Variants in RORA observed in about 807,000 individuals in gnomAD.
RORA encodes nuclear receptor ROR-alpha.
RORA carries 7 observed loss-of-function variants against 69.5 expected under a neutral mutation model. The ratio of observed to expected loss-of-function variants is 0.10; its 90% CI spans 0.06 to 0.19. The LOEUF is 0.19. RORA is among the 10% of genes least tolerant of loss of function. The pLI is 1.00. For missense variants in RORA, 457 were observed against 663.0 expected, an observed-to-expected ratio of 0.69 and a Z score of 3.41; for synonymous variants, 261 against 240.8, an observed-to-expected ratio of 1.08 and a Z score of -0.78.
chr15:60,625,324 T>G (rs2069545680), intron 2 of RORA, among the ~76,000 whole-genome samples: 3 of 152,192 alleles, frequency 2.0e-5, no homozygotes, highest in African/African-American at 4.8e-5. Context: ...TTTGGTGAGG[T>G]TGTAGGGCAA....
chr15:61,171,127 T>C lies in RORA; in HGVS notation c.166+57926A>G, dbSNP rs376980522. Among the ~76,000 whole-genome samples the C allele has an allele frequency of 5.9e-5, 9 of 152,182 alleles. No homozygotes were observed. The East Asian group carries it at 1.3e-3, about 23-fold the overall frequency. The stretch of plus-strand genomic sequence containing the variant: ...CAGGACTTGGCGACATGCTGGCTCA[T>C]ACTCACTCTGATCATCAAAACTACA... On this transcript the variant is annotated intron_variant, in intron 1 of 10. Transcript: ENST00000335670.
At chr15:60,502,143 G>T (rs1010140211) in intron 8 of RORA, among the ~76,000 whole-genome samples, 17 of 152,082 alleles carry the variant, frequency 1.1e-4, no homozygotes, top group African/African-American at 4.1e-4. Context: ...ACCATGCCCA[G>T]CTAATTTTTG....
At chr15:60,562,089 G>A (rs891500974) in intron 2 of RORA, among the ~76,000 whole-genome samples, 5 of 150,864 alleles carry the variant, frequency 3.3e-5, no homozygotes, top group East Asian at 2.0e-4. Context: ...GATTACAGGC[G>A]CCTGCCACCA....
chr15:60,948,173 G>A (rs1357589616), intron 1 of RORA, among the ~76,000 whole-genome samples: 2 of 151,840 alleles, frequency 1.3e-5, no homozygotes, highest in Non-Finnish European at 2.9e-5. Context: ...AGCATTTAAA[G>A]TTCTTTCCAG....
At chr15:61,187,925 T>A (rs1243654392) in intron 1 of RORA, among the ~76,000 whole-genome samples, 1 of 151,994 alleles carries the variant, frequency 6.6e-6, no homozygotes, top group East Asian at 1.9e-4. Context: ...TTTAAAGAAG[T>A]TCCCCAACAT....
chr15:60,880,833 T>G (rs2073671189), intron 1 of RORA, among the ~76,000 whole-genome samples: 1 of 152,228 alleles, frequency 6.6e-6, no homozygotes, highest in Non-Finnish European at 1.5e-5. Context: ...GTGTCTGACC[T>G]GAGAAAGCCA....
chr15:60,759,472 G>C lies in RORA; in HGVS notation c.167-80786C>G, dbSNP rs140146644. Among the ~76,000 whole-genome samples, 482 of 152,302 alleles carry C rather than the reference G, an allele frequency of 3.2e-3. 3 individuals carry two copies. Among genetic ancestry groups the C allele is most frequent in the African/African-American group, 0.011 (453 of 41,574 alleles). On this transcript the variant is annotated intron_variant, in intron 1 of 10. Coordinates refer to ENST00000335670, the MANE Select transcript of RORA (RefSeq NM_134261.3). ...ACATCATCAAACGGGGGGCAACTTT[G>C]AGTCAGTAGCAACCACAATTCCCAC...
In RORA at chr15:60,954,077, T is replaced by A. The variant is rs1326977678; in HGVS notation, c.166+274976A>T. 2.7e-3 allele frequency among the ~76,000 whole-genome samples: 406 copies of A among 149,264 alleles called. 1 individual carries two copies. Among genetic ancestry groups the A allele is most frequent in the African/African-American group, 9.7e-3 (391 of 40,290 alleles). On this transcript the variant is annotated intron_variant, in intron 1 of 10. Coordinates refer to ENST00000335670, the MANE Select transcript of RORA (RefSeq NM_134261.3). ...ACAATGATAGACTGGATTAAGAAAATGTGGCACATATACACCATGGAATAC... is the reference window on the plus strand; with the variant it reads ...ACAATGATAGACTGGATTAAGAAAAAGTGGCACATATACACCATGGAATAC...
intron 1 of RORA, among the ~76,000 whole-genome samples, chr15:61,099,900 C>T (rs2078852060): frequency 1.3e-5 from 2 of 152,162 alleles, no homozygotes; most frequent in African/African-American, 4.8e-5. Flanking sequence ...TAAAGGTCAT[C>T]TTTCTAGTTA....
chr15:60,753,490 G>T (rs1044789947), intron 1 of RORA, among the ~76,000 whole-genome samples: 1 of 152,248 alleles, frequency 6.6e-6, no homozygotes, highest in African/African-American at 2.4e-5. Context: ...CTGAGGGCCT[G>T]CATGGGCAGG....
Position 61,213,480 on chromosome 15 carries a change from T to C in RORA, c.166+15573A>G, listed in dbSNP as rs1550226. Among the ~76,000 whole-genome samples the C allele has an allele frequency of 0.86, 130,257 of 152,140 alleles. 55,887 individuals are homozygous for C. The highest frequency in any genetic ancestry group is 0.91 in the Admixed American group (13,864 of 15,294). On this transcript the variant is annotated intron_variant, in intron 1 of 10. Coordinates refer to ENST00000335670, the MANE Select transcript of RORA (RefSeq NM_134261.3). This position sits in a 1 kb window ranked among gnomAD's most constrained non-coding sequence, Gnocchi z 4.1. ...CGCCCCTGCCTACTTTCTCCAACCT[T>C]ATCTCCTACTCCTCACCAGCATACT...
intron 1 of RORA, chr15:61,176,012 T>C (rs186235387): frequency 1.2e-3 from 181 of 152,338 alleles, no homozygotes; most frequent in African/African-American, 4.2e-3. Flanking sequence ...TAATACACCA[T>C]CATAAAGGTT....
intron 1 of RORA, among the ~76,000 whole-genome samples, chr15:61,179,974 A>G (rs1027082861): frequency 5.8e-5 from 8 of 137,730 alleles, no homozygotes; most frequent in Admixed American, 5.8e-4. Flanking sequence ...CGTTTCTACT[A>G]AAAAAAAAAA....
At chr15:60,823,476 T>C (rs1361318856) in intron 1 of RORA, among the ~76,000 whole-genome samples, 1 of 152,240 alleles carries the variant, frequency 6.6e-6, no homozygotes, top group Non-Finnish European at 1.5e-5. Flanking sequence ...GTAGGCTTCA[T>C]GGATAGAGGC....
intron 1 of RORA, among the ~76,000 whole-genome samples, chr15:60,702,527 T>C (rs1316321691): frequency 6.6e-6 from 1 of 152,140 alleles, no homozygotes; most frequent in South Asian, 2.1e-4. Context: ...CCACCGCGCC[T>C]GGCCAGTTTC....
At position 61,061,559 on chromosome 15, in the gene RORA, T is replaced by C. The variant is rs2078187257; in HGVS notation, c.166+167494A>G. Among the ~76,000 whole-genome samples, 1 of 152,072 alleles carries C rather than the reference T, an allele frequency of 6.6e-6. No homozygotes were observed. The highest frequency in any genetic ancestry group is 2.1e-4 in the South Asian group (1 of 4,812). On this transcript the variant is annotated intron_variant, in intron 1 of 10. Transcript: ENST00000335670. This position sits in a 1 kb window ranked among gnomAD's most constrained non-coding sequence, Gnocchi z 4.4. ...ATTCTAAAGTGTAATTCCCAGATTT[T>C]CAGTAACTTACGTACCAACCTCTAA...
chr15:61,203,187 GACAA>G (rs2079910454), intron 1 of RORA, among the ~76,000 whole-genome samples: 1 of 152,158 alleles, frequency 6.6e-6, no homozygotes, highest in African/African-American at 2.4e-5. Flanking sequence ...AGAAAGGACA[GACAA>G]ACATAGTCAC....
chr15:60,923,219 A>T (rs574493421), intron 1 of RORA, among the ~76,000 whole-genome samples: 11 of 151,692 alleles, frequency 7.3e-5, no homozygotes, highest in African/African-American at 2.6e-4. Flanking sequence ...CTGATTCCTT[A>T]AAAAAACAGA....
intron 2 of RORA, among the ~76,000 whole-genome samples, chr15:60,542,508 CT>C: frequency 3.3e-5 from 4 of 123,038 alleles, no homozygotes; most frequent in African/African-American, 1.3e-4. Flanking sequence ...ACAGGCACAT[CT>C]CACACATGGC....
Sources: gnomAD v4.1 joint callset for allele counts (sites outside exome capture counted in the v4.1 genomes callset) on GRCh38, gnomAD v4.1.1 for gene constraint, Gnocchi (gnomAD v3.1) non-coding constraint, MANE v1.5 for transcripts, NCBI Gene and HGNC (gene_info 2026-07-23, HGNC 2026-07-21) for gene names.